The following EYS variants were observed in gnomAD, a reference collection of about 807,000 sequenced individuals.
EYS encodes the protein protein eyes shut homolog.
Under a neutral mutation model 282.1 loss-of-function variants are expected in EYS, and 250 were observed. That is an observed-to-expected ratio of 0.89 (90% CI 0.80 to 0.98). The LOEUF (loss-of-function observed/expected upper bound fraction) is 0.98. Ranked by LOEUF, EYS falls within the 50% of genes least tolerant of loss-of-function variation. The pLI, the probability that EYS is intolerant of heterozygous loss-of-function variation, is 0.00. For missense variants in EYS, 4,016 were observed against 3,709.0 expected (o/e 1.08, Z -2.15); for synonymous variants, 1,355 against 1,282.9 (o/e 1.06, Z -1.20).
rs952740864 is a variant in EYS at position 64,073,861 on chromosome 6, T to C, written c.6572-7370A>G. ...ACATTTCCCCCATAATGTTCTAATTTGTGCTACCTTCAGGCAGGACTTGAA... is the reference window on the plus strand; with the variant it reads ...ACATTTCCCCCATAATGTTCTAATTCGTGCTACCTTCAGGCAGGACTTGAA... On this transcript the variant is annotated intron_variant, in intron 32 of 42. Coordinates refer to ENST00000503581, the MANE Select transcript of EYS (RefSeq NM_001142800.2). 3.3e-5 allele frequency among the ~76,000 whole-genome samples: 5 copies of C among 151,766 alleles called. No homozygotes were observed. The Admixed American group carries it at 3.3e-4, about 10-fold the overall frequency.
chr6:64,768,088 A>G (rs1393525288), intron 22 of EYS, among the ~76,000 whole-genome samples: 1 of 152,156 alleles, frequency 6.6e-6, no homozygotes, highest in Non-Finnish European at 1.5e-5. Context: ...TATTCCCAAT[A>G]TTAACATGAA....
At chr6:63,922,462 C>T (rs1764599653) in intron 35 of EYS, among the ~76,000 whole-genome samples, 1 of 152,082 alleles carries the variant, frequency 6.6e-6, no homozygotes, top group Non-Finnish European at 1.5e-5. Flanking sequence ...ACTTGGGAGG[C>T]TGAGGCAGGA....
chr6:64,791,326 C>T (rs1213830779), intron 22 of EYS, among the ~76,000 whole-genome samples: 3 of 151,786 alleles, frequency 2.0e-5, no homozygotes, highest in Non-Finnish European at 4.4e-5. Flanking sequence ...CACACACATA[C>T]ACATACATTA....
chr6:65,051,318 T>C (rs1773261114), intron 13 of EYS, among the ~76,000 whole-genome samples: 1 of 151,582 alleles, frequency 6.6e-6, no homozygotes, highest in African/African-American at 2.4e-5. Context: ...TTTAATGAAA[T>C]TCAATATGTG....
At chr6:63,975,822 A>T (rs1465603794) in intron 35 of EYS, among the ~76,000 whole-genome samples, 2 of 151,994 alleles carry the variant, frequency 1.3e-5, no homozygotes, top group Admixed American at 1.3e-4. Flanking sequence ...TATTTGGCTT[A>T]CTATTTACAG....
intron 30 of EYS, among the ~76,000 whole-genome samples, chr6:64,244,391 T>C (rs1766937445): frequency 6.6e-6 from 1 of 152,200 alleles, no homozygotes; most frequent in African/African-American, 2.4e-5. Flanking sequence ...AGTTATCAGT[T>C]CTGTAGGAAA....
At chr6:65,056,164 T>C (rs1339075972) in intron 13 of EYS, among the ~76,000 whole-genome samples, 1 of 152,100 alleles carries the variant, frequency 6.6e-6, no homozygotes, top group Non-Finnish European at 1.5e-5. Flanking sequence ...CAAATCATTC[T>C]AGCTTTGATC....
intron 31 of EYS, among the ~76,000 whole-genome samples, chr6:64,194,011 T>C (rs2150318089): frequency 1.3e-5 from 2 of 152,242 alleles, no homozygotes; most frequent in Middle Eastern, 6.8e-3. Flanking sequence ...TTTGGGTAGA[T>C]ACTCAGTAAT....
intron 35 of EYS, among the ~76,000 whole-genome samples, chr6:63,921,051 C>A (rs892818649): frequency 2.0e-5 from 3 of 152,170 alleles, no homozygotes; most frequent in African/African-American, 7.2e-5. Context: ...GGCCACCACA[C>A]CTGGCTAATT....
chr6:65,582,655 C>T (rs1764911474), intron 2 of EYS, among the ~76,000 whole-genome samples: 1 of 152,106 alleles, frequency 6.6e-6, no homozygotes, highest in African/African-American at 2.4e-5. Context: ...TCCCCCATCA[C>T]TATCCACACA....
At chr6:65,697,500 A>T (rs958532295) in intron 1 of EYS, among the ~76,000 whole-genome samples, 11 of 152,052 alleles carry the variant, frequency 7.2e-5, no homozygotes, top group South Asian at 2.1e-4. Flanking sequence ...ATCTTATGAG[A>T]CTCATTGTAA....
intron 2 of EYS, among the ~76,000 whole-genome samples, chr6:65,549,103 A>G (rs1021192575): frequency 6.6e-6 from 1 of 151,364 alleles, no homozygotes; most frequent in African/African-American, 2.4e-5. Flanking sequence ...ATGCTCTCTC[A>G]CCCTCCCCTC....
At chr6:64,948,752 C>G (rs1399627778) in intron 14 of EYS, among the ~76,000 whole-genome samples, 1 of 151,278 alleles carries the variant, frequency 6.6e-6, no homozygotes, top group Non-Finnish European at 1.5e-5. Flanking sequence ...TAAAGGTTTA[C>G]ATTATTTATT....
At chr6:64,245,892 G>A (rs562581672) in intron 30 of EYS, among the ~76,000 whole-genome samples, 7 of 151,686 alleles carry the variant, frequency 4.6e-5, no homozygotes, top group Non-Finnish European at 8.8e-5. Flanking sequence ...GGTGGCGCAC[G>A]CCTGTAGTCC....
At chr6:64,325,275 C>T (rs778653403) in intron 29 of EYS, among the ~76,000 whole-genome samples, 10 of 152,090 alleles carry the variant, frequency 6.6e-5, no homozygotes, top group Non-Finnish European at 8.8e-5. Context: ...CCCCTGGAGC[C>T]GGGTAGGCTT....
intron 1 of EYS, among the ~76,000 whole-genome samples, chr6:65,699,968 A>G (rs1265735075): frequency 1.3e-5 from 2 of 151,430 alleles, no homozygotes; most frequent in African/African-American, 4.8e-5. Flanking sequence ...CAAAAAAATT[A>G]GCCGGGCGTG....
intron 26 of EYS, among the ~76,000 whole-genome samples, chr6:64,506,670 T>A (rs1055742190): frequency 6.6e-6 from 1 of 152,030 alleles, no homozygotes; most frequent in African/African-American, 2.4e-5. Flanking sequence ...CCCAGCACGT[T>A]GGGAGGCCGA....
At chr6:65,365,555 A>C (rs1305170721) in intron 8 of EYS, among the ~76,000 whole-genome samples, 4 of 151,596 alleles carry the variant, frequency 2.6e-5, no homozygotes, top group Non-Finnish European at 5.9e-5. Flanking sequence ...TAAAGTTAAG[A>C]TATATATCTC....
At chr6:64,484,215 G>T (rs963428818) in intron 26 of EYS, among the ~76,000 whole-genome samples, 1 of 151,566 alleles carries the variant, frequency 6.6e-6, no homozygotes, top group Admixed American at 6.6e-5. Flanking sequence ...TTAAGCAAAA[G>T]AGATTGCCTC....
Sources: allele counts gnomAD v4.1 joint callset (sites outside exome capture counted in the v4.1 genomes callset), GRCh38; gene constraint gnomAD v4.1.1; transcripts MANE v1.5; gene names NCBI Gene and HGNC (gene_info 2026-07-23, HGNC 2026-07-21).